Variants in CSMD3 observed in about 807,000 individuals in gnomAD.
CSMD3 encodes the protein CUB and sushi domain-containing protein 3.
A neutral mutation model predicts 435.2 loss-of-function variants in CSMD3; 177 were observed. That is an observed-to-expected ratio of 0.41 (90% CI 0.36 to 0.46). The LOEUF (loss-of-function observed/expected upper bound fraction) is 0.46. Ranked by LOEUF, CSMD3 falls within the 20% of genes least tolerant of loss-of-function variation. CSMD3 has a pLI of 0.34. For missense variants in CSMD3, 4,265 were observed against 4,504.6 expected (o/e 0.95, Z 1.52); for synonymous variants, 1,656 against 1,520.5 (o/e 1.09, Z -2.07).
rs568661059 is a variant in CSMD3 at position 113,160,743 on chromosome 8, G to T, written c.709+12979C>A. On this transcript the variant is annotated intron_variant, in intron 4 of 70. Coordinates refer to ENST00000297405, the MANE Select transcript of CSMD3 (RefSeq NM_198123.2). ...AAATAACTGAACTGTTCCCTTTGGG[G>T]ATTATTTGATATTGCTTAGGAAGCA... Among the ~76,000 whole-genome samples the T allele has an allele frequency of 3.9e-5, 6 of 152,112 alleles. No homozygotes were observed. The South Asian group carries it at 1.0e-3, about 26-fold the overall frequency.
At chr8:113,324,430 G>A (rs909054526) in intron 1 of CSMD3, among the ~76,000 whole-genome samples, 2 of 152,146 alleles carry the variant, frequency 1.3e-5, no homozygotes, top group Non-Finnish European at 2.9e-5. Context: ...AGGGGACAAC[G>A]TAGACCTCGG....
chr8:112,297,582 C>A (rs1820440571), intron 53 of CSMD3, among the ~76,000 whole-genome samples: 1 of 151,806 alleles, frequency 6.6e-6, no homozygotes, highest in Admixed American at 6.6e-5. Flanking sequence ...ATTCTCAACC[C>A]AACAAAGACA....
chr8:112,508,010 C>T (rs989463137), intron 28 of CSMD3, among the ~76,000 whole-genome samples: 1 of 152,018 alleles, frequency 6.6e-6, no homozygotes, highest in Non-Finnish European at 1.5e-5. Flanking sequence ...GTTCTGTAGT[C>T]CTCCATCTCC....
intron 23 of CSMD3, among the ~76,000 whole-genome samples, chr8:112,584,050 A>G (rs567757592): frequency 4.7e-4 from 71 of 151,930 alleles, no homozygotes; most frequent in Non-Finnish European, 8.4e-4. Context: ...TTTACAAAAA[A>G]AAAGTTTCAA....
chr8:112,390,509 G>A (rs76680297), intron 36 of CSMD3, among the ~76,000 whole-genome samples, 155 bp downstream of exon 36: 141 of 152,016 alleles, frequency 9.3e-4, no homozygotes, highest in Admixed American at 2.4e-3. Flanking sequence ...TTAATTCTAC[G>A]TGAAAAAAAT....
chr8:112,695,330 A>G lies in CSMD3; in HGVS notation c.1973-5280T>C, dbSNP rs1586989963. On this transcript the variant is annotated intron_variant, in intron 13 of 70. Coordinates refer to ENST00000297405, the MANE Select transcript of CSMD3 (RefSeq NM_198123.2). ...ATTGTGTTATGTATATCATACTTTA[A>G]CTTTTATTATACTGTCAATATTATT... 2.6e-5 allele frequency among the ~76,000 whole-genome samples: 4 copies of G among 152,336 alleles called. No homozygotes were observed. In the South Asian group the frequency reaches 8.3e-4, roughly 32 times the overall value.
intron 12 of CSMD3, among the ~76,000 whole-genome samples, chr8:112,800,524 T>C (rs193090492): frequency 3.1e-4 from 47 of 152,146 alleles, no homozygotes; most frequent in Middle Eastern, 6.8e-3. Flanking sequence ...CATGATATTT[T>C]AGACCATCAA....
chr8:112,244,762 C>G (rs996526827), intron 64 of CSMD3, among the ~76,000 whole-genome samples, 189 bp from the exon 65 acceptor site: 3 of 151,972 alleles, frequency 2.0e-5, no homozygotes, highest in Non-Finnish European at 4.4e-5. Context: ...TTTAGCATTT[C>G]CTAATCCACC....
chr8:112,721,139 A>AGAAT (rs2076848820), intron 13 of CSMD3, among the ~76,000 whole-genome samples: 1 of 152,002 alleles, frequency 6.6e-6, no homozygotes, highest in South Asian at 2.1e-4. Flanking sequence ...AGATCTCACA[A>AGAAT]GTATCAATTA....
At chr8:113,244,155 C>G (rs1224002021) in intron 3 of CSMD3, among the ~76,000 whole-genome samples, 1 of 152,122 alleles carries the variant, frequency 6.6e-6, no homozygotes, top group African/African-American at 2.4e-5. Context: ...ATGTTTTTAA[C>G]TCTGATGAAA....
At chr8:113,419,525 TG>T (rs1263593015) in intron 1 of CSMD3, among the ~76,000 whole-genome samples, 3 of 152,092 alleles carry the variant, frequency 2.0e-5, no homozygotes, top group Admixed American at 1.3e-4. Context: ...TGCTTGGTGT[TG>T]GGGGCAGATT....
intron 5 of CSMD3, among the ~76,000 whole-genome samples, chr8:113,046,359 T>C (rs1004420302): frequency 6.7e-6 from 1 of 149,566 alleles, no homozygotes; most frequent in Admixed American, 6.6e-5. Flanking sequence ...AAAAGCCTTA[T>C]TTGAACAAAC....
chr8:113,229,244 C>G (rs531700614), intron 3 of CSMD3, among the ~76,000 whole-genome samples: 3 of 151,496 alleles, frequency 2.0e-5, no homozygotes, highest in Non-Finnish European at 4.4e-5. Flanking sequence ...GTGAAACTAT[C>G]CTTTAAGTGT....
chr8:112,248,115 A>G (rs1814923962), intron 63 of CSMD3, among the ~76,000 whole-genome samples: 1 of 152,116 alleles, frequency 6.6e-6, no homozygotes, highest in Non-Finnish European at 1.5e-5. Flanking sequence ...TGAATAAGTC[A>G]TATCTCCTAT....
intron 59 of CSMD3, among the ~76,000 whole-genome samples, chr8:112,278,399 G>T (rs1179860630): frequency 6.6e-6 from 1 of 152,184 alleles, no homozygotes; most frequent in Non-Finnish European, 1.5e-5. Context: ...TTGACATTCA[G>T]AGACAGGAGT....
At chr8:113,091,931 T>C (rs2090016688) in intron 5 of CSMD3, among the ~76,000 whole-genome samples, 1 of 151,984 alleles carries the variant, frequency 6.6e-6, no homozygotes, top group African/African-American at 2.4e-5. Flanking sequence ...ACTTTCCTCT[T>C]AGTACTGCTT....
chr8:112,369,981 G>A (rs1456709326), intron 38 of CSMD3, among the ~76,000 whole-genome samples: 1 of 89,272 alleles, frequency 1.1e-5, no homozygotes, highest in Non-Finnish European at 2.4e-5. Context: ...AAGAAGAAGA[G>A]AAAGAGGAAG....
chr8:112,405,222 T>TATATATATATATATATATATATATAC (rs1563904405), intron 35 of CSMD3, among the ~76,000 whole-genome samples: 11 of 52,382 alleles, frequency 2.1e-4, no homozygotes, highest in African/African-American at 7.9e-4. Context: ...CCCATATATA[T>TATATATATATATATATATATATATAC]ATATATATAT....
rs537287153 is a variant in CSMD3, at chr8:113,037,671, G to A, written c.918-18492C>T. ...TATGACTATAATTAGCTTTTTTGCT[G>A]TTTTTAATTTTCACTATGCATCAAT... is the stretch of plus-strand genomic sequence containing the variant. On this transcript the variant is annotated intron_variant, in intron 5 of 70. Coordinates refer to ENST00000297405, the MANE Select transcript of CSMD3 (RefSeq NM_198123.2). Among the ~76,000 whole-genome samples the A allele has an allele frequency of 2.6e-4, 39 of 151,992 alleles. No homozygotes were observed. In the South Asian group the frequency reaches 7.9e-3, roughly 31 times the overall value.
Sources: allele counts gnomAD v4.1 joint callset (sites outside exome capture counted in the v4.1 genomes callset), GRCh38; gene constraint gnomAD v4.1.1; transcripts MANE v1.5; gene names NCBI Gene and HGNC (gene_info 2026-07-23, HGNC 2026-07-21).